Variants in GSE1 observed in about 807,000 individuals in gnomAD.
GSE1 encodes the protein genetic suppressor element 1.
GSE1 carries 32 observed loss-of-function variants against 112.6 expected under a neutral mutation model. That is an observed-to-expected ratio of 0.28 (90% CI 0.21 to 0.38). The LOEUF (loss-of-function observed/expected upper bound fraction) is 0.38, where lower values mean the gene tolerates loss of function less well. GSE1 is among the 10% of genes least tolerant of loss of function. GSE1 has a pLI of 1.00. For synonymous variants in GSE1, 1,115 were observed against 735.6 expected, an observed-to-expected ratio of 1.52 and a Z score of -8.35; for missense variants, 2,348 against 1,699.2, an observed-to-expected ratio of 1.38 and a Z score of -6.71.
chr16:85,426,924 T>C (rs1237042794), intron 2 of GSE1, among the ~76,000 whole-genome samples: 1 of 152,180 alleles, frequency 6.6e-6, no homozygotes, highest in African/African-American at 2.4e-5. Flanking sequence ...ACATGGACTG[T>C]GGTGTGTCCC....
At chr16:85,233,810 A>G (rs1416866928) in intron 1 of GSE1, among the ~76,000 whole-genome samples, 2 of 152,188 alleles carry the variant, frequency 1.3e-5, no homozygotes, top group African/African-American at 4.8e-5. Context: ...GGACCAGCCC[A>G]GGTGAGGCTG....
At chr16:85,309,240 C>A (rs1358631460) in intron 1 of GSE1, among the ~76,000 whole-genome samples, 1 of 152,098 alleles carries the variant, frequency 6.6e-6, no homozygotes, top group Non-Finnish European at 1.5e-5. Flanking sequence ...TGGCTCACAC[C>A]TGTAATCCAG....
intron 2 of GSE1, among the ~76,000 whole-genome samples, chr16:85,548,777 G>A (rs796310401): frequency 1.1e-4 from 16 of 152,186 alleles, no homozygotes; most frequent in African/African-American, 3.6e-4. Flanking sequence ...AATCATCCAG[G>A]ATGATCTGGT....
chr16:85,546,800 C>A (rs1039008875), intron 2 of GSE1, among the ~76,000 whole-genome samples: 2 of 152,244 alleles, frequency 1.3e-5, no homozygotes, highest in Non-Finnish European at 2.9e-5. Flanking sequence ...AAGCTGGCCA[C>A]CAGGGATTCT....
At chr16:85,189,799 A>G (rs2074784492) in intron 1 of GSE1, among the ~76,000 whole-genome samples, 1 of 152,360 alleles carries the variant, frequency 6.6e-6, no homozygotes, top group East Asian at 1.9e-4. Context: ...AAATTAGTTG[A>G]TAAAACTTTG....
chr16:85,370,977 G>T (rs1436544338), intron 2 of GSE1, among the ~76,000 whole-genome samples: 1 of 152,232 alleles, frequency 6.6e-6, no homozygotes, highest in Non-Finnish European at 1.5e-5. Context: ...GAGGGCAGGA[G>T]GAGGGCCTGC....
chr16:85,553,596 C>A (rs1053792608), upstream of GSE1, among the ~76,000 whole-genome samples: 1 of 152,040 alleles, frequency 6.6e-6, no homozygotes, highest in African/African-American at 2.4e-5. Context: ...CGCACCCCGG[C>A]GGTCGAGCCC....
intron 2 of GSE1, among the ~76,000 whole-genome samples, chr16:85,362,012 G>T (rs2047092432): frequency 6.6e-6 from 1 of 152,238 alleles, no homozygotes; most frequent in South Asian, 2.1e-4. Flanking sequence ...CCCAGGTGTT[G>T]CATTTGAAGT....
chr16:85,610,155 C>T (rs190510321), upstream of GSE1, among the ~76,000 whole-genome samples: 67 of 152,280 alleles, frequency 4.4e-4, no homozygotes, highest in African/African-American at 1.5e-3. Context: ...AAACGCGCAC[C>T]AGGCACCAGC....
chr16:85,507,177 G>A (rs1024498031), intron 2 of GSE1, among the ~76,000 whole-genome samples: 4 of 152,256 alleles, frequency 2.6e-5, no homozygotes, highest in African/African-American at 9.6e-5. Flanking sequence ...TTGCCAGTCT[G>A]TGGGTTTCCT....
At chr16:85,377,676 T>A (rs1171962642) in intron 2 of GSE1, among the ~76,000 whole-genome samples, 2 of 152,170 alleles carry the variant, frequency 1.3e-5, no homozygotes, top group African/African-American at 4.8e-5. Flanking sequence ...CACCTGGAGG[T>A]CCTGCAGGCA....
intron 1 of GSE1, among the ~76,000 whole-genome samples, chr16:85,240,313 T>A (rs1431254019): frequency 6.6e-6 from 1 of 152,168 alleles, no homozygotes; most frequent in East Asian, 1.9e-4. Flanking sequence ...CCCTGCTGGT[T>A]CTGGGTCCCT....
At chr16:85,227,670 G>T (rs1263395570) in intron 1 of GSE1, among the ~76,000 whole-genome samples, 1 of 152,204 alleles carries the variant, frequency 6.6e-6, no homozygotes, top group East Asian at 1.9e-4. Context: ...GGTTGGGGAA[G>T]ATGAGGGCAG....
intron 1 of GSE1, among the ~76,000 whole-genome samples, chr16:85,179,126 A>G (rs1042863168): frequency 3.7e-4 from 56 of 151,986 alleles, no homozygotes; most frequent in African/African-American, 4.8e-5. Context: ...ATCACCCCCA[A>G]AGGACACCCT....
intron 2 of GSE1, among the ~76,000 whole-genome samples, chr16:85,394,357 C>T (rs1334562054): frequency 1.3e-5 from 2 of 152,206 alleles, no homozygotes; most frequent in African/African-American, 4.8e-5. Context: ...GGACGCTGCT[C>T]TAATTTGATG....
At chr16:85,392,336 C>G (rs978965113) in intron 2 of GSE1, among the ~76,000 whole-genome samples, 2 of 152,346 alleles carry the variant, frequency 1.3e-5, no homozygotes, top group East Asian at 1.9e-4. Flanking sequence ...AGATAAACAA[C>G]AAATACCTTT....
Position 85,516,586 on chromosome 16 carries a change from CAA to C in GSE1, c.2465-117309_2465-117308del, listed in dbSNP as rs35709045. ...CAAGGCAACAGAGGAGACCCTGTCTCAAAAAAAAAAAAAAAAAAAAGATTTAA... is the reference window on the plus strand; with the variant it reads ...CAAGGCAACAGAGGAGACCCTGTCTCAAAAAAAAAAAAAAAAAAGATTTAA... On this transcript the variant is annotated intron_variant, in intron 2 of 2. Transcript: ENST00000637419. Among the ~76,000 whole-genome samples the C allele has an allele frequency of 3.1e-3, 252 of 80,442 alleles. 1 individual carries two copies. The highest frequency in any genetic ancestry group is 9.1e-3 in the African/African-American group (215 of 23,508). 52.8% of individuals were successfully genotyped at this position (80,442 alleles called of 152,430 possible). A position where few individuals can be genotyped will look rare whatever the true frequency, so the allele number is the denominator to read the frequency against.
intron 2 of GSE1, among the ~76,000 whole-genome samples, chr16:85,431,734 C>T (rs2049126822): frequency 6.6e-6 from 1 of 152,222 alleles, no homozygotes; most frequent in East Asian, 1.9e-4. Flanking sequence ...TCTGAGCACC[C>T]AGGGCCCAGA....
rs1248354843 is a variant in GSE1 at position 85,246,767 on chromosome 16, G to T, written c.2283+74960G>T. On this transcript the variant is annotated intron_variant, in intron 1 of 2. Transcript: ENST00000637419. ...ACTGTGCCTGGAAGCAATGAAATGG[G>T]CACCCTCTGGGGGAGCCTCCCCCCT... Among the ~76,000 whole-genome samples, 5 of 152,078 alleles carry T rather than the reference G, an allele frequency of 3.3e-5. No individual in the cohort carries two copies. In the East Asian group the frequency reaches 7.7e-4, roughly 24 times the overall value.
Sources: gnomAD v4.1 joint callset for allele counts (sites outside exome capture counted in the v4.1 genomes callset) on GRCh38, gnomAD v4.1.1 for gene constraint, MANE v1.5 for transcripts, NCBI Gene and HGNC (gene_info 2026-07-23, HGNC 2026-07-21) for gene names.